Variants in TMEM117 observed in about 807,000 individuals in gnomAD.
The protein encoded by TMEM117 is transmembrane protein 117.
In TMEM117, 27 loss-of-function variants were observed where a neutral mutation model predicts 52.4. The ratio of observed to expected loss-of-function variants is 0.51; its 90% CI spans 0.38 to 0.71. TMEM117 has a LOEUF of 0.71. Ranked by LOEUF, TMEM117 falls within the 30% of genes least tolerant of loss-of-function variation. The pLI is 0.00. For synonymous variants in TMEM117, 215 were observed against 206.3 expected (o/e 1.04, Z -0.36); for missense variants, 556 against 630.5 (o/e 0.88, Z 1.26).
intron 3 of TMEM117, among the ~76,000 whole-genome samples, chr12:44,141,685 G>A (rs1482809745): frequency 6.6e-6 from 1 of 152,090 alleles, no homozygotes; most frequent in African/African-American, 2.4e-5. Flanking sequence ...AATTACCAGA[G>A]CTAATCCTTT....
At chr12:43,921,407 A>G (rs1405498712) in intron 2 of TMEM117, among the ~76,000 whole-genome samples, 1 of 152,168 alleles carries the variant, frequency 6.6e-6, no homozygotes, top group Non-Finnish European at 1.5e-5. Context: ...TTGGAGTCTG[A>G]TAGATCTAGA....
chr12:44,273,179 C>T, intron 5 of TMEM117, among the ~76,000 whole-genome samples: 1 of 151,830 alleles, frequency 6.6e-6, no homozygotes, highest in Non-Finnish European at 1.5e-5. Flanking sequence ...AATGAGAACA[C>T]TTGGACACAG....
intron 7 of TMEM117, among the ~76,000 whole-genome samples, chr12:44,386,751 A>G (rs12308111): frequency 0.042 from 6,456 of 152,150 alleles, 459 homozygotes; most frequent in African/African-American, 0.15. Flanking sequence ...CAACTGGCTC[A>G]AGATCACACA....
chr12:43,908,735 C>G (rs761893363), intron 2 of TMEM117, among the ~76,000 whole-genome samples: 6 of 152,004 alleles, frequency 3.9e-5, no homozygotes, highest in Admixed American at 1.3e-4. Flanking sequence ...CAAAAAAGAT[C>G]AAAACAGACA....
intron 2 of TMEM117, among the ~76,000 whole-genome samples, chr12:43,891,980 A>G (rs1034555775): frequency 2.6e-5 from 4 of 152,146 alleles, no homozygotes; most frequent in African/African-American, 9.7e-5. Context: ...CCATTGCAAT[A>G]GCCTTTTTCC....
chr12:43,937,969 T>A (rs1055644159), intron 2 of TMEM117, among the ~76,000 whole-genome samples: 2 of 152,092 alleles, frequency 1.3e-5, no homozygotes, highest in Non-Finnish European at 2.9e-5. Context: ...GCCAAGTAGA[T>A]TAGCCAGACA....
chr12:44,213,818 G>A (rs531342400), intron 5 of TMEM117, among the ~76,000 whole-genome samples: 7 of 152,272 alleles, frequency 4.6e-5, no homozygotes, highest in East Asian at 3.9e-4. Flanking sequence ...CCAGCCATGC[G>A]GAATGGTGGG....
intron 5 of TMEM117, among the ~76,000 whole-genome samples, chr12:44,220,715 C>T (rs1949777661): frequency 6.6e-6 from 1 of 152,082 alleles, no homozygotes; most frequent in Admixed American, 6.6e-5. Flanking sequence ...AGCATCGTGT[C>T]ATGCCAGAAA....
At position 44,090,401 on chromosome 12, in the gene TMEM117, TATTTA is replaced by T. The variant is rs1428652545; in HGVS notation, c.411-53123_411-53119del. 1.3e-3 allele frequency among the ~76,000 whole-genome samples: 33 copies of T among 25,490 alleles called. No individual in the cohort carries two copies. The East Asian group carries it at 0.016, about 12-fold the overall frequency. The allele number at this position is 25,490 out of a possible 152,430, so 16.7% of individuals were successfully genotyped here. On this transcript the variant is annotated intron_variant, in intron 3 of 7. Coordinates refer to ENST00000266534, the MANE Select transcript of TMEM117 (RefSeq NM_032256.3). ...CCCCTTTTATTTTTATCTTACTTTTTATTTATTTATTTATTTATTTATTTATTTAT... is the reference window on the plus strand; with the variant it reads ...CCCCTTTTATTTTTATCTTACTTTTTTTTATTTATTTATTTATTTATTTAT...
At chr12:44,211,475 A>G in intron 5 of TMEM117, 88 bp downstream of exon 5, 2 of 894,788 alleles carry the variant, frequency 2.2e-6, no homozygotes, top group South Asian at 3.1e-5. Context: ...CAATTATAGA[A>G]TTCTATCTAG....
At position 43,983,948 on chromosome 12, in the gene TMEM117, C is replaced by T. The variant is rs553211289; in HGVS notation, c.410+39606C>T. On this transcript the variant is annotated intron_variant, in intron 3 of 7. Coordinates refer to ENST00000266534, the MANE Select transcript of TMEM117 (RefSeq NM_032256.3). ...CTGTATTTGCTTTTTTGTGTTGGCTCACAATGCATAATAGAATTCTTGCCA... is the reference window on the plus strand; with the variant it reads ...CTGTATTTGCTTTTTTGTGTTGGCTTACAATGCATAATAGAATTCTTGCCA... Among the ~76,000 whole-genome samples, 4 of 152,094 alleles carry T rather than the reference C, an allele frequency of 2.6e-5. No homozygotes were observed. In the South Asian group the frequency reaches 8.3e-4, roughly 32 times the overall value.
Position 44,299,740 on chromosome 12 carries a change from G to A in TMEM117, c.768+1G>A. On this transcript the variant is annotated splice_donor_variant, in intron 6 of 7. Coordinates refer to ENST00000266534, the MANE Select transcript of TMEM117 (RefSeq NM_032256.3). LOFTEE classifies it high-confidence loss of function. The stretch of plus-strand genomic sequence containing the variant: ...CTTTGACCTTCTTATTGTGATGCAG[G>A]TAAGTGTATTTCCCTCCCCTCAGTG... 1 of 1,614,010 alleles carries A rather than the reference G, an allele frequency of 6.2e-7. No individual in the cohort carries two copies. Among genetic ancestry groups the A allele is most frequent in the Non-Finnish European group, 8.5e-7 (1 of 1,179,944 alleles).
intron 2 of TMEM117, among the ~76,000 whole-genome samples, chr12:43,868,709 G>T (rs1286292091): frequency 6.6e-6 from 1 of 151,970 alleles, no homozygotes; most frequent in Non-Finnish European, 1.5e-5. Context: ...CAGTGCTTAG[G>T]GTTAGTTTAT....
At chr12:44,327,797 T>C (rs1164411587) in intron 6 of TMEM117, among the ~76,000 whole-genome samples, 1 of 152,176 alleles carries the variant, frequency 6.6e-6, no homozygotes, top group East Asian at 1.9e-4. Flanking sequence ...ATAAGTGTGC[T>C]GTGCAGGAAA....
At chr12:44,088,978 C>T (rs1053949541) in intron 3 of TMEM117, among the ~76,000 whole-genome samples, 1 of 152,162 alleles carries the variant, frequency 6.6e-6, no homozygotes, top group African/African-American at 2.4e-5. Flanking sequence ...TAAGTTTTAA[C>T]CTTTGGGCAA....
the TMEM117 span, among the ~76,000 whole-genome samples, chr12:43,826,223 G>A: frequency 6.6e-6 from 1 of 152,172 alleles, no homozygotes; most frequent in Non-Finnish European, 1.5e-5. Context: ...GGCTTTCTAA[G>A]GGTAATCCAA....
chr12:43,911,825 A>G (rs1167131551), intron 2 of TMEM117, among the ~76,000 whole-genome samples: 15 of 65,974 alleles, frequency 2.3e-4, no homozygotes, highest in South Asian at 1.4e-3. Context: ...TAGAATGGCA[A>G]TCATTAAAAA....
At chr12:43,958,805 T>TTGTG (rs1945350415) in intron 3 of TMEM117, among the ~76,000 whole-genome samples, 1 of 134,742 alleles carries the variant, frequency 7.4e-6, no homozygotes, top group African/African-American at 2.6e-5. Flanking sequence ...CTTTTTTTGT[T>TTGTG]AGTTTGTTTG....
intron 2 of TMEM117, among the ~76,000 whole-genome samples, chr12:43,862,942 G>T (rs1943515498): frequency 6.6e-6 from 1 of 152,044 alleles, no homozygotes; most frequent in African/African-American, 2.4e-5. Context: ...CTCCAGCCCG[G>T]GTGACACTGC....
Sources: allele counts gnomAD v4.1 joint callset (sites outside exome capture counted in the v4.1 genomes callset), GRCh38; gene constraint gnomAD v4.1.1; transcripts MANE v1.5; gene names NCBI Gene and HGNC (gene_info 2026-07-23, HGNC 2026-07-21).